The following RASSF4 variants were observed in gnomAD, a reference collection of about 807,000 sequenced individuals.
RASSF4 encodes ras association domain-containing protein 4.
Under a neutral mutation model 41.1 loss-of-function variants are expected in RASSF4, and 38 were observed. That is an observed-to-expected ratio of 0.92 (90% confidence interval 0.71 to 1.21). RASSF4 has a LOEUF of 1.21. Among genes scored for constraint, RASSF4 ranks in the 50% most tolerant of loss-of-function variants. The pLI is 0.00. For synonymous variants in RASSF4, 179 were observed against 163.4 expected, an observed-to-expected ratio of 1.10 and a Z score of -0.73; for missense variants, 414 against 419.4, an observed-to-expected ratio of 0.99 and a Z score of 0.11.
chr10:44,966,434 G>A (rs1840906325), intron 1 of RASSF4, among the ~76,000 whole-genome samples: 1 of 152,152 alleles, frequency 6.6e-6, no homozygotes, highest in African/African-American at 2.4e-5. Flanking sequence ...GTGGGACTTC[G>A]ACCCCAGCTG....
At chr10:44,981,856 G>A (rs1841719954) in intron 3 of RASSF4, 1 of 152,780 alleles carries the variant, frequency 6.5e-6, no homozygotes, top group Non-Finnish European at 1.5e-5. Flanking sequence ...CAGGAGAGAA[G>A]CCATGTCACC....
At position 44,984,114 on chromosome 10, in the gene RASSF4, G is replaced by T; in HGVS notation, c.373+1G>T. 1 of 1,596,586 alleles carries T rather than the reference G, an allele frequency of 6.3e-7. No homozygotes were observed. ...GCTGAGAGTTCCACAGACAGCTCGG[G>T]TAAGCGGAGCCCGCAAGCTGCCCAG... is the stretch of plus-strand genomic sequence containing the variant. On this transcript the variant is annotated splice_donor_variant, in intron 5 of 10. Coordinates refer to ENST00000340258, the MANE Select transcript of RASSF4 (RefSeq NM_032023.4). LOFTEE classifies it high-confidence loss of function.
intron 3 of RASSF4, chr10:44,978,105 G>A (rs749860669): frequency 1.7e-5 from 25 of 1,510,804 alleles, no homozygotes; most frequent in Admixed American, 6.4e-5. Context: ...GCGTCCCACC[G>A]CCCCTCAGCG....
intron 9 of RASSF4, 131 bp downstream of exon 9, chr10:44,991,200 C>A: frequency 1.2e-6 from 1 of 828,246 alleles, no homozygotes; most frequent in Non-Finnish European, 1.7e-6. Context: ...TCCCAAAGGG[C>A]TCCCAGCCTA....
intron 9 of RASSF4, chr10:44,991,345 T>C: frequency 3.0e-6 from 1 of 335,402 alleles, no homozygotes; most frequent in Non-Finnish European, 5.4e-6. Context: ...TTTCCTTCAT[T>C]GGAATGTATT....
Position 44,993,832 on chromosome 10 carries a change from C to A in RASSF4, c.*503C>A, listed in dbSNP as rs1463801424. The A allele has an allele frequency of 6.4e-6, 1 of 157,142 alleles. No homozygotes were observed. Among genetic ancestry groups the A allele is most frequent in the Non-Finnish European group, 1.4e-5 (1 of 70,716 alleles). 9.7% of individuals were successfully genotyped at this position (157,142 alleles called of 1,614,324 possible). On this transcript the variant is annotated 3_prime_UTR_variant, in exon 11 of 11. Transcript: ENST00000340258. ...TTCAGCCATCACCTTGCCACAGTGT[C>A]CCCGGCTTCTAAGCCTCCAATATCA... is the stretch of plus-strand genomic sequence containing the variant.
intron 1 of RASSF4, 49 bp from the exon 2 acceptor site, chr10:44,970,116 C>T (rs1483414838): frequency 3.8e-5 from 44 of 1,165,458 alleles, no homozygotes; most frequent in Non-Finnish European, 5.1e-5. Flanking sequence ...CTGCACTGGC[C>T]GGCACTCCTC....
Position 44,971,755 on chromosome 10 carries a change from G to A in RASSF4, c.63-18G>A. ...CCTGCCACACCCTAGGAGTACATGT[G>A]TGTCTTTCCCTTTTTAGGTCGGAGC... On this transcript the variant is annotated intron_variant, in intron 2 of 10. Coordinates refer to ENST00000340258, the MANE Select transcript of RASSF4 (RefSeq NM_032023.4). 2 of 1,608,348 alleles carry A rather than the reference G, an allele frequency of 1.2e-6. No individual in the cohort carries two copies. The highest frequency in any genetic ancestry group is 1.1e-5 in the South Asian group (1 of 90,974).
In RASSF4 at chr10:44,984,077, C is replaced by A; in HGVS notation, c.337C>A (p.Pro113Thr). The change falls in exon 5 of 11, where the codon CCA becomes ACA. Residue 113 changes from proline (P) to threonine (T), a missense_variant. Pro to Thr is a conservative substitution (Grantham distance 38). Coordinates refer to ENST00000340258, the MANE Select transcript of RASSF4 (RefSeq NM_032023.4). ...NITAQGPSIQ[P>T]VHKAESSTDS... Reference sequence around the variant, plus strand: ...CACAGCCCAGGGGCCAAGCATTCAGCCAGTGCACAAGGCTGAGAGTTCCAC... The same window carrying A: ...CACAGCCCAGGGGCCAAGCATTCAGACAGTGCACAAGGCTGAGAGTTCCAC... 6.2e-7 allele frequency: 1 copy of A among 1,606,394 alleles called. No homozygotes were observed. Among genetic ancestry groups the A allele is most frequent in the African/African-American group, 1.3e-5 (1 of 74,966 alleles).
rs1409533171 is a variant in RASSF4 at position 44,984,795 on chromosome 10, CA to C, written c.374-17del. On this transcript the variant is annotated splice_polypyrimidine_tract_variant and intron_variant, in intron 5 of 10. Transcript: ENST00000340258. ...AGCATCACCCACCCTGCCATTCTCT[CA>C]CCCATTTCTCATGCAGGGCCCCTGG... 1 of 1,612,396 alleles carries C rather than the reference CA, an allele frequency of 6.2e-7. No homozygotes were observed.
intron 1 of RASSF4, among the ~76,000 whole-genome samples, chr10:44,965,706 C>T (rs544997755): frequency 6.6e-6 from 1 of 152,358 alleles, no homozygotes; most frequent in South Asian, 2.1e-4. Context: ...CTTAGCTTTG[C>T]TCGCTGACCC....
intron 3 of RASSF4, among the ~76,000 whole-genome samples, chr10:44,974,638 A>G (rs1321240946): frequency 6.6e-6 from 1 of 150,894 alleles, no homozygotes; most frequent in African/African-American, 2.4e-5. Context: ...CCGTGTTGTC[A>G]CTGCCCCTCA....
chr10:44,986,190 G>A (rs1230905676), intron 6 of RASSF4, among the ~76,000 whole-genome samples: 2 of 152,204 alleles, frequency 1.3e-5, no homozygotes, highest in Non-Finnish European at 1.5e-5. Context: ...AAAAAAGGGT[G>A]GGGGCAGGGA....
chr10:44,971,457 G>A (rs1470006018), intron 2 of RASSF4: 2 of 554,712 alleles, frequency 3.6e-6, no homozygotes, highest in Admixed American at 4.4e-5. Flanking sequence ...GCAGGTGGAG[G>A]GCAGGGAGGC....
At chr10:44,972,478 T>C (rs916407683) in intron 3 of RASSF4, among the ~76,000 whole-genome samples, 6 of 152,216 alleles carry the variant, frequency 3.9e-5, no homozygotes, top group Middle Eastern at 3.2e-3. Flanking sequence ...AGAGGATAGA[T>C]TATCTGGAAT....
chr10:44,977,728 A>G, intron 3 of RASSF4: 1 of 1,609,814 alleles, frequency 6.2e-7, no homozygotes, highest in Non-Finnish European at 8.5e-7. Context: ...GGGGGTCCAC[A>G]GTATCAGCCA....
intron 6 of RASSF4, 142 bp downstream of exon 6, chr10:44,985,112 GC>G: frequency 1.2e-6 from 1 of 838,938 alleles, no homozygotes; most frequent in Non-Finnish European, 1.9e-6. Flanking sequence ...CCACATAACA[GC>G]CCCGTTTATG....
At chr10:44,967,909 G>C (rs1234720725) in intron 1 of RASSF4, among the ~76,000 whole-genome samples, 1 of 152,196 alleles carries the variant, frequency 6.6e-6, no homozygotes, top group Non-Finnish European at 1.5e-5. Context: ...TTTCTGGCAA[G>C]GGTTTCCAGG....
intron 6 of RASSF4, among the ~76,000 whole-genome samples, chr10:44,985,875 G>C (rs1445321102): frequency 6.6e-6 from 1 of 152,218 alleles, no homozygotes; most frequent in Non-Finnish European, 1.5e-5. Context: ...AATGACAATA[G>C]GGTTGCCTTT....
Sources: gnomAD v4.1 joint callset for allele counts (sites outside exome capture counted in the v4.1 genomes callset) on GRCh38, gnomAD v4.1.1 for gene constraint, MANE v1.5 for transcripts, NCBI Gene and HGNC (gene_info 2026-07-23, HGNC 2026-07-21) for gene names.